CAPN8: variants seen among roughly 807,000 people sequenced by gnomAD.
CAPN8 encodes calpain-8.
CAPN8 carries 87 observed loss-of-function variants against 80.9 expected under a neutral mutation model. That is an observed-to-expected ratio of 1.07 (90% confidence interval 0.90 to 1.28). CAPN8 has a LOEUF of 1.28. Among genes scored for constraint, CAPN8 ranks in the 50% most tolerant of loss-of-function variants. The pLI is 0.00. For missense variants in CAPN8, 757 were observed against 702.0 expected (o/e 1.08, Z -0.89); for synonymous variants, 299 against 273.8 (o/e 1.09, Z -0.91).
chr1:223,634,164 C>G (rs1349345072), intron 2 of CAPN8, among the ~76,000 whole-genome samples: 1 of 152,144 alleles, frequency 6.6e-6, no homozygotes, highest in African/African-American at 2.4e-5. Context: ...TAAGATTGAG[C>G]TGAGGGCAGG....
chr1:223,665,340 C>T (rs1558361592), intron 1 of CAPN8, 70 bp downstream of exon 1: 2 of 1,263,148 alleles, frequency 1.6e-6, no homozygotes, highest in South Asian at 2.7e-5. Flanking sequence ...ACTTCTCCCT[C>T]AGTTCCTCCT....
chr1:223,656,440 A>G (rs183842333), intron 1 of CAPN8, among the ~76,000 whole-genome samples: 1 of 152,228 alleles, frequency 6.6e-6, no homozygotes, highest in African/African-American at 2.4e-5. Flanking sequence ...AGCTTGGGCA[A>G]CAAGAGCGAA....
At chr1:223,612,111 T>G in intron 11 of CAPN8, 135 bp downstream of exon 11, 1 of 706,536 alleles carries the variant, frequency 1.4e-6, no homozygotes, top group Non-Finnish European at 2.0e-6. Context: ...TGTGGTTTGA[T>G]TCATGACTGG....
intron 20 of CAPN8, among the ~76,000 whole-genome samples, chr1:223,542,770 C>T (rs566014278): frequency 6.6e-6 from 1 of 152,292 alleles, no homozygotes; most frequent in South Asian, 2.1e-4. Flanking sequence ...CTACATCCTT[C>T]CATAGGTCCA....
At chr1:223,616,220 G>A in intron 9 of CAPN8, 75 bp from the exon 10 acceptor site, 1 of 1,445,596 alleles carries the variant, frequency 6.9e-7, no homozygotes, top group Non-Finnish European at 9.3e-7. Flanking sequence ...TAAAAGGGAA[G>A]AAACTTGATC....
intron 1 of CAPN8, among the ~76,000 whole-genome samples, chr1:223,655,439 T>G (rs1251187120): frequency 6.6e-6 from 1 of 152,196 alleles, no homozygotes; most frequent in East Asian, 1.9e-4. Flanking sequence ...CAAGGATTTT[T>G]TGAGTGCCCG....
chr1:223,623,593 TAGGC>T (rs1277348122), intron 6 of CAPN8, among the ~76,000 whole-genome samples: 3 of 152,184 alleles, frequency 2.0e-5, no homozygotes, highest in Non-Finnish European at 4.4e-5. Flanking sequence ...ACCAACTGTG[TAGGC>T]TGTTAGGTCC....
At chr1:223,639,112 C>A (rs1420134271) in intron 2 of CAPN8, among the ~76,000 whole-genome samples, 2 of 152,114 alleles carry the variant, frequency 1.3e-5, no homozygotes, top group African/African-American at 4.8e-5. Context: ...TGGTGGCCCA[C>A]ACCTGTAATC....
At chr1:223,629,228 G>GTGTT (rs998271663) in intron 2 of CAPN8, among the ~76,000 whole-genome samples, 25 of 150,402 alleles carry the variant, frequency 1.7e-4, no homozygotes, top group Admixed American at 1.3e-3. Context: ...GTGTGTGTGT[G>GTGTT]TGTTTATGTT....
At chr1:223,557,431 C>G (rs1433108058) in intron 13 of CAPN8, among the ~76,000 whole-genome samples, 2 of 82,136 alleles carry the variant, frequency 2.4e-5, no homozygotes, top group Non-Finnish European at 6.1e-5. Flanking sequence ...TGAAGGTGGT[C>G]CTGCCCCACC....
chr1:223,557,319 C>T (rs1016821953), intron 13 of CAPN8, among the ~76,000 whole-genome samples: 2 of 152,234 alleles, frequency 1.3e-5, no homozygotes, highest in Admixed American at 1.3e-4. Context: ...TCCATTCAGC[C>T]GAAGATGCCA....
intron 14 of CAPN8, among the ~76,000 whole-genome samples, chr1:223,553,258 G>T (rs1656837536): frequency 6.6e-6 from 1 of 152,154 alleles, no homozygotes; most frequent in South Asian, 2.1e-4. Context: ...CGGAAGCCAG[G>T]GCAGGGGAGA....
At chr1:223,657,014 G>A (rs1194914125) in intron 1 of CAPN8, among the ~76,000 whole-genome samples, 1 of 152,072 alleles carries the variant, frequency 6.6e-6, no homozygotes, top group Non-Finnish European at 1.5e-5. Flanking sequence ...CATATGTCTT[G>A]TACGTATGTC....
chr1:223,614,113 G>T (rs1441350397), intron 10 of CAPN8, among the ~76,000 whole-genome samples: 1 of 152,190 alleles, frequency 6.6e-6, no homozygotes, highest in Non-Finnish European at 1.5e-5. Flanking sequence ...TATAAGGTAG[G>T]CCTGGCTGAG....
intron 13 of CAPN8, 67 bp downstream of exon 13, chr1:223,558,064 C>A (rs1656945756): frequency 2.5e-6 from 1 of 398,462 alleles, no homozygotes; most frequent in South Asian, 1.3e-4. Flanking sequence ...TCTGACAAAT[C>A]AAGAAGAAAC....
In CAPN8 at chr1:223,553,612, C is replaced by T. The variant is rs921787269; in HGVS notation, c.1641+220G>A. Among the ~76,000 whole-genome samples the T allele has an allele frequency of 9.7e-3, 1,475 of 152,226 alleles. 99 individuals are homozygous for T. In the East Asian group the frequency reaches 0.15, roughly 16 times the overall value. ...TTCTATTTTCTCAAGAGTCAGTCAA[C>T]GCAGCAAGATAAGTAGCCTCAGGAC... On this transcript the variant is annotated intron_variant, in intron 14 of 20. Coordinates refer to ENST00000366872, the MANE Select transcript of CAPN8 (RefSeq NM_001143962.2).
intron 14 of CAPN8, among the ~76,000 whole-genome samples, chr1:223,552,085 T>C (rs555331104): frequency 1.3e-5 from 2 of 152,252 alleles, no homozygotes; most frequent in African/African-American, 4.8e-5. Flanking sequence ...TGGGTCCCAG[T>C]CTCAACTCAG....
At chr1:223,623,949 G>A (rs1317163104) in intron 6 of CAPN8, among the ~76,000 whole-genome samples, 3 of 148,422 alleles carry the variant, frequency 2.0e-5, no homozygotes, top group South Asian at 2.1e-4. Flanking sequence ...GCAGTGAGCC[G>A]AGATCGTGCC....
chr1:223,549,273 G>A (rs1439166210), intron 16 of CAPN8, 45 bp downstream of exon 16: 27 of 1,527,056 alleles, frequency 1.8e-5, no homozygotes, highest in African/African-American at 1.1e-4. Flanking sequence ...TTTAAAAACC[G>A]GACGAAAGTA....
Sources: allele counts gnomAD v4.1 joint callset (sites outside exome capture counted in the v4.1 genomes callset), GRCh38; gene constraint gnomAD v4.1.1; transcripts MANE v1.5; gene names NCBI Gene and HGNC (gene_info 2026-07-23, HGNC 2026-07-21).